The following MAS1 variants were observed in gnomAD, a reference collection of about 807,000 sequenced individuals.
MAS1 encodes proto-oncogene Mas.
For missense variants in MAS1, 387 were observed against 409.7 expected (o/e 0.94, Z 0.48); for synonymous variants, 163 against 164.2 (o/e 0.99, Z 0.05).
At chr6:159,894,368 G>A (rs1782731342) in intron 1 of MAS1, among the ~76,000 whole-genome samples, 1 of 149,788 alleles carries the variant, frequency 6.7e-6, no homozygotes, top group Admixed American at 6.7e-5. Context: ...GAATTGAGTG[G>A]AGATGGCACC....
chr6:159,898,711 C>CTT (rs1782790436), intron 1 of MAS1, among the ~76,000 whole-genome samples: 1 of 148,714 alleles, frequency 6.7e-6, no homozygotes, highest in African/African-American at 2.5e-5. Flanking sequence ...CATCCTCCTC[C>CTT]CTCTTCCTCC....
intron 2 of MAS1, among the ~76,000 whole-genome samples, chr6:159,905,659 C>G (rs998095816): frequency 3.9e-5 from 6 of 152,196 alleles, no homozygotes; most frequent in African/African-American, 1.4e-4. Context: ...ATCACCAGAA[C>G]CATTCAAGTG....
At chr6:159,892,494 A>G (rs1782710596) in intron 1 of MAS1, among the ~76,000 whole-genome samples, 1 of 151,986 alleles carries the variant, frequency 6.6e-6, no homozygotes, top group Non-Finnish European at 1.5e-5. Context: ...TCTAAGAGTG[A>G]TGTCCTAGGC....
chr6:159,890,163 G>T (rs1017454952), upstream of MAS1, among the ~76,000 whole-genome samples: 5 of 152,110 alleles, frequency 3.3e-5, no homozygotes, highest in Admixed American at 3.3e-4. Flanking sequence ...AGCCTTTGGG[G>T]CTTCACATTG....
In MAS1 at chr6:159,907,667, C is replaced by T; in HGVS notation, c.712C>T (p.Leu238Phe). ...IVIMVTIIIF[L>F]IFAMPMRLLY... ...CATCATGGTCACCATCATTATATTC[C>T]TCATCTTCGCTATGCCCATGAGACT... Residue 238 changes from leucine (L) to phenylalanine (F), a missense_variant, in exon 3 of 3, where the codon CTC (leucine) becomes TTC (phenylalanine). Leu to Phe is a conservative substitution (Grantham distance 22). Coordinates refer to ENST00000674077, the MANE Select transcript of MAS1 (RefSeq NM_002377.4). 6.2e-7 allele frequency: 1 copy of T among 1,613,768 alleles called. No individual in the cohort carries two copies. Among genetic ancestry groups the T allele is most frequent in the Non-Finnish European group, 8.5e-7 (1 of 1,179,978 alleles).
rs1034630745 is a variant in MAS1, at chr6:159,912,564, T to C, written c.*4631T>C. On this transcript the variant is annotated 3_prime_UTR_variant, in exon 3 of 3. Coordinates refer to ENST00000674077, the MANE Select transcript of MAS1 (RefSeq NM_002377.4). Reference sequence around the variant, plus strand: ...CACAAACAAGAAGCTTCTTTTCTCTTTAACCTAACATTTGACTGTTTAACT... The same window carrying C: ...CACAAACAAGAAGCTTCTTTTCTCTCTAACCTAACATTTGACTGTTTAACT... The C allele has an allele frequency of 3.3e-5, 5 of 150,852 alleles. No homozygotes were observed. The highest frequency in any genetic ancestry group is 1.3e-4 in the Admixed American group (2 of 15,084). 9.3% of individuals were successfully genotyped at this position (150,852 alleles called of 1,614,324 possible).
intron 1 of MAS1, among the ~76,000 whole-genome samples, 181 bp downstream of exon 1, chr6:159,891,314 C>T (rs1056391878): frequency 6.6e-6 from 1 of 152,218 alleles, no homozygotes; most frequent in Non-Finnish European, 1.5e-5. Context: ...TCTCTTTCCT[C>T]CTGCCTTTGT....
chr6:159,897,811 T>C lies in MAS1; in HGVS notation c.-243-1375T>C, dbSNP rs187266135. 5.2e-3 allele frequency among the ~76,000 whole-genome samples: 795 copies of C among 151,920 alleles called. 8 individuals carry two copies. The highest frequency in any genetic ancestry group is 0.019 in the African/African-American group (767 of 41,174). ...GAACAGGCAGGTGTGGTTTGATCAGTCCCTGCGGACTGCTTCACAGTGGAC... is the reference window on the plus strand; with the variant it reads ...GAACAGGCAGGTGTGGTTTGATCAGCCCCTGCGGACTGCTTCACAGTGGAC... On this transcript the variant is annotated intron_variant, in intron 1 of 2. Transcript: ENST00000674077.
rs143214751 is a variant in MAS1 at position 159,916,150 on chromosome 6, A to G, written c.*8217A>G. 3.9e-5 allele frequency: 6 copies of G among 152,394 alleles called. No homozygotes were observed. Among genetic ancestry groups the G allele is most frequent in the South Asian group, 2.1e-4 (1 of 4,830 alleles). 9.4% of individuals were successfully genotyped at this position (152,394 alleles called of 1,614,324 possible). ...AGTAGCTGTGCCAAGTAAGTGAAAT[A>G]ATGCACAAGGAAATTCTGTGTAAAC... On this transcript the variant is annotated 3_prime_UTR_variant, in exon 3 of 3. Coordinates refer to ENST00000674077, the MANE Select transcript of MAS1 (RefSeq NM_002377.4).
chr6:159,907,895 G>A lies in MAS1; in HGVS notation c.940G>A (p.Asp314Asn). 5 of 1,609,740 alleles carry A rather than the reference G, an allele frequency of 3.1e-6. No individual in the cohort carries two copies. Among genetic ancestry groups the A allele is most frequent in the East Asian group, 2.2e-5 (1 of 44,700 alleles). ...TGAAATGCAACCTCGGCGCCAGAAA[G>A]ACAATTGTAATACGGTCACAGTTGA... The part of the protein sequence containing the change: ...KDEMQPRRQK[D>N]NCNTVTVETV... The change falls in exon 3 of 3, where the codon GAC becomes AAC. Residue 314 changes from aspartate to asparagine, a missense_variant. Transcript: ENST00000674077.
Position 159,913,579 on chromosome 6 carries a change from G to C in MAS1, c.*5646G>C, listed in dbSNP as rs978016896. ...ACACTCACAAGGCTGGTCATTTCCT[G>C]GGGCTCAGCTGGAAAGGTGGACCAG... On this transcript the variant is annotated 3_prime_UTR_variant, in exon 3 of 3. Transcript: ENST00000674077. 5 of 152,130 alleles carry C rather than the reference G, an allele frequency of 3.3e-5. No homozygotes were observed. The highest frequency in any genetic ancestry group is 1.2e-4 in the African/African-American group (5 of 41,424). 9.4% of individuals were successfully genotyped at this position (152,130 alleles called of 1,614,324 possible).
chr6:159,902,993 G>A (rs189343602), intron 2 of MAS1, among the ~76,000 whole-genome samples: 1 of 152,076 alleles, frequency 6.6e-6, no homozygotes, highest in East Asian at 1.9e-4. Context: ...CTCTCCCTCA[G>A]CCCTTCTTTT....
rs529782097 is a variant in MAS1, at chr6:159,916,973, T to C, written c.*9040T>C. On this transcript the variant is annotated 3_prime_UTR_variant, in exon 3 of 3. Transcript: ENST00000674077. ...AATTCTTTCTTTTCCCCTTCAACCA[T>C]TTAAAAATGTAAAAAAACTATTCTC... 6.6e-6 allele frequency among the ~76,000 whole-genome samples: 1 copy of C among 152,372 alleles called. No homozygotes were observed. Among genetic ancestry groups the C allele is most frequent in the East Asian group, 1.9e-4 (1 of 5,192 alleles).
rs1358781842 is a variant in MAS1 at position 159,908,990 on chromosome 6, T to C, written c.*1057T>C. 1 of 151,886 alleles carries C rather than the reference T, an allele frequency of 6.6e-6. No individual in the cohort carries two copies. The highest frequency in any genetic ancestry group is 1.5e-5 in the Non-Finnish European group (1 of 67,992). 9.4% of individuals were successfully genotyped at this position (151,886 alleles called of 1,614,324 possible). ...CTCCTCCTGAGGCTTTTTTTTTTTT[T>C]TTCATCACACCTGGAAGGAGGCTCA... On this transcript the variant is annotated 3_prime_UTR_variant, in exon 3 of 3. Transcript: ENST00000674077.
In MAS1 at chr6:159,910,826, A is replaced by G. The variant is rs1782956830; in HGVS notation, c.*2893A>G. ...ACAATTCACCCCTCAACATCCTGCC[A>G]TTTGTCTTGCAGCCTGACCATCATA... On this transcript the variant is annotated 3_prime_UTR_variant, in exon 3 of 3. Coordinates refer to ENST00000674077, the MANE Select transcript of MAS1 (RefSeq NM_002377.4). The G allele has an allele frequency of 6.6e-6, 1 of 152,060 alleles. No individual in the cohort carries two copies. The highest frequency in any genetic ancestry group is 2.4e-5 in the African/African-American group (1 of 41,346). 9.4% of individuals were successfully genotyped at this position (152,060 alleles called of 1,614,324 possible). A position where few individuals can be genotyped will look rare whatever the true frequency, so the allele number is the denominator to read the frequency against.
intron 1 of MAS1, among the ~76,000 whole-genome samples, chr6:159,896,410 C>A (rs1026389504): frequency 6.6e-6 from 1 of 151,896 alleles, no homozygotes; most frequent in African/African-American, 2.4e-5. Context: ...CAATATGATA[C>A]TGAGTAAAAA....
rs1782999153 is a variant in MAS1, at chr6:159,914,491, T to G, written c.*6558T>G. On this transcript the variant is annotated 3_prime_UTR_variant, in exon 3 of 3. Coordinates refer to ENST00000674077, the MANE Select transcript of MAS1 (RefSeq NM_002377.4). ...TTGCCCTGGAACTATATTGCTGCTC[T>G]GTCAACATTTCCCAGTTCAGGGAAG... 6.6e-6 allele frequency: 1 copy of G among 152,238 alleles called. No homozygotes were observed. The highest frequency in any genetic ancestry group is 1.5e-5 in the Non-Finnish European group (1 of 68,044). 9.4% of individuals were successfully genotyped at this position (152,238 alleles called of 1,614,324 possible).
chr6:159,907,540 C>T lies in MAS1; in HGVS notation c.585C>T (p.Ser195=). The T allele has an allele frequency of 6.2e-7, 1 of 1,614,078 alleles. No homozygotes were observed. Among genetic ancestry groups the T allele is most frequent in the Non-Finnish European group, 8.5e-7 (1 of 1,180,012 alleles). ...RAVIIFIAIL[S]FLVFTPLMLV... ...TCATCATCTTTATAGCCATCCTGAG[C>T]TTCCTGGTCTTCACGCCCCTCATGC... Residue 195 remains serine (S), a synonymous_variant, in exon 3 of 3, where the codon AGC becomes AGT. Transcript: ENST00000674077.
At chr6:159,902,701 C>T (rs1782836335) in intron 2 of MAS1, among the ~76,000 whole-genome samples, 2 of 152,024 alleles carry the variant, frequency 1.3e-5, no homozygotes, top group South Asian at 2.1e-4. Context: ...TCCCTCTCTC[C>T]TCTCTCTCCA....
Sources: allele counts gnomAD v4.1 joint callset (sites outside exome capture counted in the v4.1 genomes callset), GRCh38; gene constraint gnomAD v4.1.1; transcripts MANE v1.5; gene names NCBI Gene and HGNC (gene_info 2026-07-23, HGNC 2026-07-21).